The following RIMS1 variants were observed in gnomAD, a reference collection of about 807,000 sequenced individuals.
RIMS1 encodes the protein regulating synaptic membrane exocytosis 1.
RIMS1 carries 83 observed loss-of-function variants against 214.1 expected under a neutral mutation model. That is an observed-to-expected ratio of 0.39 (90% CI 0.32 to 0.47). The LOEUF (loss-of-function observed/expected upper bound fraction) is 0.47. RIMS1 is among the 20% of genes least tolerant of loss of function. The pLI is 0.99. For missense variants in RIMS1, 2,050 were observed against 2,161.8 expected, an observed-to-expected ratio of 0.95 and a Z score of 1.03; for synonymous variants, 793 against 786.8, an observed-to-expected ratio of 1.01 and a Z score of -0.13.
At chr6:72,002,811 G>A (rs950731935) in intron 2 of RIMS1, among the ~76,000 whole-genome samples, 1 of 152,096 alleles carries the variant, frequency 6.6e-6, no homozygotes. Context: ...AACTCACCTG[G>A]AGTGTTGTTT....
chr6:72,137,730 C>A (rs1004288531), intron 4 of RIMS1, among the ~76,000 whole-genome samples: 66 of 146,640 alleles, frequency 4.5e-4, no homozygotes, highest in Middle Eastern at 3.5e-3. Flanking sequence ...TAAGTCTATA[C>A]AATCTTTTTT....
chr6:71,927,946 A>G (rs1217291262), intron 1 of RIMS1, among the ~76,000 whole-genome samples: 1 of 152,140 alleles, frequency 6.6e-6, no homozygotes, highest in Non-Finnish European at 1.5e-5. Flanking sequence ...AAATCATGGA[A>G]GAGTCTTCAT....
chr6:71,894,960 C>A (rs1487085312), intron 1 of RIMS1, among the ~76,000 whole-genome samples: 1 of 152,014 alleles, frequency 6.6e-6, no homozygotes, highest in East Asian at 1.9e-4. Context: ...GTTTGTATTA[C>A]CCATCATTAT....
intron 19 of RIMS1, chr6:72,261,185 T>A: frequency 9.8e-7 from 1 of 1,017,744 alleles, no homozygotes; most frequent in Non-Finnish European, 1.2e-6. Context: ...TTTAGCCTTT[T>A]TTAATTTCCT....
At chr6:72,262,122 G>A in intron 19 of RIMS1, 1 of 984,540 alleles carries the variant, frequency 1.0e-6, no homozygotes, top group Non-Finnish European at 1.2e-6. Flanking sequence ...CTGGCACTCA[G>A]TGTGTGAATA....
chr6:72,216,202 G>A (rs1384586094), intron 6 of RIMS1, among the ~76,000 whole-genome samples: 3 of 152,040 alleles, frequency 2.0e-5, no homozygotes, highest in African/African-American at 7.2e-5. Flanking sequence ...ACAAAATATG[G>A]GTGGATGAAG....
At chr6:71,970,304 A>G (rs1795540744) in intron 2 of RIMS1, among the ~76,000 whole-genome samples, 1 of 152,180 alleles carries the variant, frequency 6.6e-6, no homozygotes, top group Non-Finnish European at 1.5e-5. Context: ...ATGTAAAGCC[A>G]TTTTTGTATG....
chr6:72,376,933 A>G (rs1319550692), intron 29 of RIMS1, among the ~76,000 whole-genome samples: 2 of 152,202 alleles, frequency 1.3e-5, no homozygotes, highest in Middle Eastern at 6.3e-3. Context: ...TTTACGAAGC[A>G]TGGGACAGTT....
In RIMS1 at chr6:71,982,322, G is replaced by A. The variant is rs536570041; in HGVS notation, c.245+13259G>A. Among the ~76,000 whole-genome samples, 15 of 152,194 alleles carry A rather than the reference G, an allele frequency of 9.9e-5. No individual in the cohort carries two copies. In the East Asian group the frequency reaches 1.2e-3, roughly 12 times the overall value. On this transcript the variant is annotated intron_variant, in intron 2 of 33. Coordinates refer to ENST00000521978, the MANE Select transcript of RIMS1 (RefSeq NM_014989.7). ...TGAGAAATGTTCAGGCTTGGAAAACGTGTGACTTTGAGTTCTATTTCAGGG... is the reference window on the plus strand; with the variant it reads ...TGAGAAATGTTCAGGCTTGGAAAACATGTGACTTTGAGTTCTATTTCAGGG...
At chr6:72,299,777 C>T (rs2094445832) in intron 26 of RIMS1, among the ~76,000 whole-genome samples, 1 of 151,756 alleles carries the variant, frequency 6.6e-6, no homozygotes, top group East Asian at 1.9e-4. Context: ...TTGTGAAACA[C>T]TATAAGAACA....
intron 28 of RIMS1, among the ~76,000 whole-genome samples, chr6:72,329,297 A>G (rs2154335245): frequency 6.6e-6 from 1 of 151,936 alleles, no homozygotes; most frequent in Admixed American, 6.6e-5. Context: ...AAAAATAGCA[A>G]ATGTTGGAGC....
At chr6:71,916,425 T>C (rs1778448501) in intron 1 of RIMS1, among the ~76,000 whole-genome samples, 1 of 152,142 alleles carries the variant, frequency 6.6e-6, no homozygotes, top group Non-Finnish European at 1.5e-5. Context: ...TACGAAGCGG[T>C]AATAAAATTT....
chr6:72,123,769 G>A (rs1452977958), intron 4 of RIMS1, among the ~76,000 whole-genome samples: 2 of 151,732 alleles, frequency 1.3e-5, no homozygotes, highest in Non-Finnish European at 2.9e-5. Context: ...TTTAAAGTCT[G>A]TTTTATCAGA....
At chr6:71,891,133 C>T (rs1769728996) in intron 1 of RIMS1, among the ~76,000 whole-genome samples, 1 of 125,190 alleles carries the variant, frequency 8.0e-6, no homozygotes, top group Non-Finnish European at 1.8e-5. Flanking sequence ...CCTGGGGCTT[C>T]ACCTATACTC....
chr6:71,917,999 G>T (rs986717410), intron 1 of RIMS1, among the ~76,000 whole-genome samples: 1 of 152,120 alleles, frequency 6.6e-6, no homozygotes, highest in Non-Finnish European at 1.5e-5. Flanking sequence ...TGTAAACTTT[G>T]AGATGATGAT....
At chr6:72,188,441 G>T (rs1371941705) in intron 6 of RIMS1, among the ~76,000 whole-genome samples, 1 of 152,154 alleles carries the variant, frequency 6.6e-6, no homozygotes, top group Non-Finnish European at 1.5e-5. Context: ...ATGCTGATAT[G>T]AAGTCAATAA....
chr6:72,261,043 G>C, intron 19 of RIMS1: 1 of 1,240,706 alleles, frequency 8.1e-7, no homozygotes, highest in Non-Finnish European at 1.0e-6. Flanking sequence ...TGAGGAACCA[G>C]TTTCTGCAAT....
At chr6:72,112,680 C>G (rs1484694226) in intron 4 of RIMS1, among the ~76,000 whole-genome samples, 2 of 152,150 alleles carry the variant, frequency 1.3e-5, no homozygotes, top group African/African-American at 2.4e-5. Flanking sequence ...TCAAACATTA[C>G]CTTATCAAAG....
chr6:72,095,533 C>T (rs2031280419), intron 2 of RIMS1, among the ~76,000 whole-genome samples: 1 of 152,182 alleles, frequency 6.6e-6, no homozygotes, highest in Non-Finnish European at 1.5e-5. Context: ...AGATCCTAAA[C>T]TACACTGTTA....
Sources: allele counts gnomAD v4.1 joint callset (sites outside exome capture counted in the v4.1 genomes callset), GRCh38; gene constraint gnomAD v4.1.1; transcripts MANE v1.5; gene names NCBI Gene and HGNC (gene_info 2026-07-23, HGNC 2026-07-21).